The following HDDC2 variants were observed in gnomAD, a reference collection of about 807,000 sequenced individuals.
The protein encoded by HDDC2 is 5'-deoxynucleotidase HDDC2.
A neutral mutation model predicts 25.5 loss-of-function variants in HDDC2; 25 were observed. That is an observed-to-expected ratio of 0.98 (90% confidence interval 0.72 to 1.37). HDDC2 has a LOEUF of 1.37. Ranked by LOEUF, HDDC2 falls within the 40% of genes most tolerant of loss-of-function variation. The pLI is 0.00. For missense variants in HDDC2, 264 were observed against 253.1 expected (o/e 1.04, Z -0.29); for synonymous variants, 106 against 89.7 (o/e 1.18, Z -1.03).
In HDDC2 at chr6:125,300,554, G is replaced by A. The variant is rs12213371; in HGVS notation, c.190C>T (p.Arg64Cys). Residue 64 changes from arginine (R) to cysteine (C), a missense_variant, in exon 2 of 6, where the codon CGT (arginine) becomes TGT (cysteine). By Grantham distance (180) the Arg-to-Cys change is radical (BLOSUM62 -3). Transcript: ENST00000398153. The stretch of plus-strand genomic sequence containing the variant: ...TCAGCTTACCGGTCTTTGTTAAGAC[G>A]GTCATCTTTGATCACCATAGCCATA... ...AVMAMVIKDDRLNKDRCVRLA... is the reference protein window; with the variant it reads ...AVMAMVIKDDCLNKDRCVRLA... 1.2e-3 allele frequency: 1,956 copies of A among 1,613,914 alleles called. 2 individuals are homozygous for A. Among genetic ancestry groups the A allele is most frequent in the South Asian group, 1.4e-3 (127 of 91,036 alleles).
chr6:125,277,063 A>G lies in HDDC2; in HGVS notation c.517+39T>C, dbSNP rs1165360812. The stretch of plus-strand genomic sequence containing the variant: ...CATTAGTCACTACACTGAGTAAGCC[A>G]AACTAAAATGGACTCTTGTTGAAAA... On this transcript the variant is annotated intron_variant, in intron 5 of 5. Coordinates refer to ENST00000398153, the MANE Select transcript of HDDC2 (RefSeq NM_016063.3). 3 of 1,611,164 alleles carry G rather than the reference A, an allele frequency of 1.9e-6. No homozygotes were observed. The African/African-American group carries it at 4.0e-5, about 22-fold the overall frequency.
At chr6:125,297,301 C>T (rs925099802) in intron 3 of HDDC2, among the ~76,000 whole-genome samples, 1 of 152,164 alleles carries the variant, frequency 6.6e-6, no homozygotes, top group African/African-American at 2.4e-5. Flanking sequence ...CATGGCAGTG[C>T]AGATTCATAT....
At chr6:125,290,761 C>A (rs1027148705) in intron 4 of HDDC2, among the ~76,000 whole-genome samples, 3 of 152,172 alleles carry the variant, frequency 2.0e-5, no homozygotes, top group Non-Finnish European at 4.4e-5. Flanking sequence ...GGAGAGAAAT[C>A]TTTATCAGGC....
intron 3 of HDDC2, among the ~76,000 whole-genome samples, chr6:125,294,893 C>T (rs1798685617): frequency 1.3e-5 from 2 of 152,180 alleles, no homozygotes; most frequent in South Asian, 2.1e-4. Flanking sequence ...TGTTCAAAAT[C>T]ACCATATTCT....
At position 125,282,295 on chromosome 6, in the gene HDDC2, G is replaced by A. The variant is rs974137157; in HGVS notation, c.379-5055C>T. 5.3e-5 allele frequency among the ~76,000 whole-genome samples: 8 copies of A among 150,632 alleles called. No individual in the cohort carries two copies. In the East Asian group the frequency reaches 5.8e-4, roughly 11 times the overall value. On this transcript the variant is annotated intron_variant, in intron 4 of 5. Transcript: ENST00000398153. ...CGGGAAGCGGAGGTTGCAGTGAGCC[G>A]AGAGTATGCCATTGCACTCCAGCCC...
At chr6:125,293,171 A>G in intron 3 of HDDC2, 1 of 521,370 alleles carries the variant, frequency 1.9e-6, no homozygotes. Flanking sequence ...GAAAAGGACA[A>G]TGAGGAGGTC....
rs369347497 is a variant in HDDC2, at chr6:125,277,098, G to A, written c.517+4C>T. On this transcript the variant is annotated splice_donor_region_variant and intron_variant, in intron 5 of 5. Coordinates refer to ENST00000398153, the MANE Select transcript of HDDC2 (RefSeq NM_016063.3). Reference sequence around the variant, plus strand: ...GGACTCTTGTTGAAAATGGTGTTGAGTACCTGCTGTGGAATCATAGAAGTC... The same window carrying A: ...GGACTCTTGTTGAAAATGGTGTTGAATACCTGCTGTGGAATCATAGAAGTC... 3 of 1,613,788 alleles carry A rather than the reference G, an allele frequency of 1.9e-6. No individual in the cohort carries two copies. The highest frequency in any genetic ancestry group is 1.1e-5 in the South Asian group (1 of 91,022).
intron 3 of HDDC2, among the ~76,000 whole-genome samples, chr6:125,297,753 C>T (rs920957062): frequency 1.3e-5 from 2 of 152,190 alleles, no homozygotes; most frequent in Non-Finnish European, 2.9e-5. Flanking sequence ...AGCAATAACT[C>T]TTGAATTGAA....
At chr6:125,280,676 T>G (rs1798445614) in intron 4 of HDDC2, among the ~76,000 whole-genome samples, 1 of 152,222 alleles carries the variant, frequency 6.6e-6, no homozygotes, top group Non-Finnish European at 1.5e-5. Flanking sequence ...ATTCCTCCTC[T>G]CTGGGCAGAG....
chr6:125,296,087 C>T (rs1258912280), intron 3 of HDDC2, among the ~76,000 whole-genome samples: 3 of 150,590 alleles, frequency 2.0e-5, no homozygotes, highest in African/African-American at 7.4e-5. Flanking sequence ...GTGGGTTTTG[C>T]ATTAACGGAT....
chr6:125,280,711 C>T (rs1324847961), intron 4 of HDDC2, among the ~76,000 whole-genome samples: 1 of 152,220 alleles, frequency 6.6e-6, no homozygotes, highest in African/African-American at 2.4e-5. Flanking sequence ...AGGCCGTGGC[C>T]CTAATCAGGG....
intron 3 of HDDC2, chr6:125,297,456 A>C: frequency 2.5e-6 from 1 of 397,616 alleles, no homozygotes; most frequent in Non-Finnish European, 4.4e-6. Context: ...TTAAACTGGG[A>C]CTCTCGTTCC....
At position 125,276,092 on chromosome 6, in the gene HDDC2, A is replaced by C; in HGVS notation, c.*54T>G. The C allele has an allele frequency of 7.8e-7, 1 of 1,285,000 alleles. No homozygotes were observed. The highest frequency in any genetic ancestry group is 1.1e-6 in the Non-Finnish European group (1 of 885,086). 79.6% of individuals were successfully genotyped at this position (1,285,000 alleles called of 1,614,324 possible). A position where few individuals can be genotyped will look rare whatever the true frequency, so the allele number is the denominator to read the frequency against. ...GACCAACAATGGCAAAACACAATAC[A>C]ATGAAATGGAAAAATAATGTTTGTT... On this transcript the variant is annotated 3_prime_UTR_variant, in exon 6 of 6. Coordinates refer to ENST00000398153, the MANE Select transcript of HDDC2 (RefSeq NM_016063.3).
intron 2 of HDDC2, among the ~76,000 whole-genome samples, 181 bp from the exon 3 acceptor site, chr6:125,298,997 G>A (rs1451290927): frequency 6.6e-6 from 1 of 152,148 alleles, no homozygotes; most frequent in Non-Finnish European, 1.5e-5. Flanking sequence ...GATCAAAACT[G>A]TTAGTTCATA....
At position 125,289,524 on chromosome 6, in the gene HDDC2, C is replaced by CA. The variant is rs1373007997; in HGVS notation, c.378+3316dup. On this transcript the variant is annotated intron_variant, in intron 4 of 5. Coordinates refer to ENST00000398153, the MANE Select transcript of HDDC2 (RefSeq NM_016063.3). Reference sequence around the variant, plus strand: ...AAAAAACAAAACAAAACAAAAAAAACAAAAAAAAAACATTTCCTTCTTCCT... The same window carrying CA: ...AAAAAACAAAACAAAACAAAAAAAACAAAAAAAAAAACATTTCCTTCTTCCT... Among the ~76,000 whole-genome samples the CA allele has an allele frequency of 2.8e-3, 350 of 126,306 alleles. 4 individuals carry two copies. Among genetic ancestry groups the CA allele is most frequent in the Admixed American group, 0.021 (264 of 12,774 alleles). The allele number at this position is 126,306 out of a possible 152,430, so 82.9% of individuals were successfully genotyped here.
chr6:125,289,630 G>A (rs1448599466), intron 4 of HDDC2, among the ~76,000 whole-genome samples: 3 of 152,086 alleles, frequency 2.0e-5, no homozygotes, highest in African/African-American at 4.8e-5. Flanking sequence ...ACCTCCTAGT[G>A]ACTCTCCCTC....
intron 4 of HDDC2, among the ~76,000 whole-genome samples, chr6:125,292,102 A>C (rs1294064459): frequency 6.6e-6 from 1 of 152,128 alleles, no homozygotes; most frequent in African/African-American, 2.4e-5. Context: ...AGAAGATGTG[A>C]AAAGTGAGAG....
At chr6:125,282,773 T>C (rs1306209758) in intron 4 of HDDC2, among the ~76,000 whole-genome samples, 1 of 152,154 alleles carries the variant, frequency 6.6e-6, no homozygotes, top group Non-Finnish European at 1.5e-5. Flanking sequence ...AGACCCATCT[T>C]ACGTGCGAAG....
In HDDC2 at chr6:125,298,770, C is replaced by T; in HGVS notation, c.253G>A (p.Gly85Arg). The T allele has an allele frequency of 2.5e-6, 4 of 1,614,126 alleles. No homozygotes were observed. Among genetic ancestry groups the T allele is most frequent in the Non-Finnish European group, 3.4e-6 (4 of 1,180,024 alleles). Residue 85 changes from glycine (G) to arginine (R), a missense_variant, in exon 3 of 6, where the codon GGG (glycine) becomes AGG (arginine). By Grantham distance (125) the Gly-to-Arg change is moderately radical. Transcript: ENST00000398153. ...ATGTTATCTGCTGGTGCTATGTCCC[C>T]AACGATGCATTCTGCCATATCATGA... ...LVHDMAECIV[G>R]DIAPADNIPK...
Sources: allele counts gnomAD v4.1 joint callset (sites outside exome capture counted in the v4.1 genomes callset), GRCh38; gene constraint gnomAD v4.1.1; transcripts MANE v1.5; gene names NCBI Gene and HGNC (gene_info 2026-07-23, HGNC 2026-07-21).